The following NDRG4 variants were observed in gnomAD, a reference collection of about 807,000 sequenced individuals.
NDRG4 encodes the protein NDRG family member 4.
In NDRG4, 38 loss-of-function variants were observed where a neutral mutation model predicts 55.8. That is an observed-to-expected ratio of 0.68 (90% CI 0.53 to 0.89). The LOEUF is 0.89. Among genes scored for constraint, NDRG4 ranks in the 40% least tolerant of loss-of-function variants. The pLI is 0.00. For missense variants in NDRG4, 455 were observed against 468.6 expected (o/e 0.97, Z 0.27); for synonymous variants, 190 against 182.7 (o/e 1.04, Z -0.32).
chr16:58,467,244 A>G (rs1420278575), intron 1 of NDRG4, among the ~76,000 whole-genome samples: 2 of 152,238 alleles, frequency 1.3e-5, no homozygotes, highest in African/African-American at 4.8e-5. Context: ...ACAGTGGCTC[A>G]CACCTGTAAT....
intron 2 of NDRG4, among the ~76,000 whole-genome samples, chr16:58,489,150 T>C (rs2035476632): frequency 6.6e-6 from 1 of 151,898 alleles, no homozygotes; most frequent in Non-Finnish European, 1.5e-5. Flanking sequence ...AATACAAAAA[T>C]TAGCCCGGGC....
intron 1 of NDRG4, among the ~76,000 whole-genome samples, chr16:58,485,444 G>A (rs1244772075): frequency 6.6e-6 from 1 of 152,176 alleles, no homozygotes; most frequent in Non-Finnish European, 1.5e-5. Context: ...GGTGTCCAGG[G>A]TGGTTTCATA....
Position 58,513,065 on chromosome 16 carries a change from G to A in NDRG4, c.*1489G>A, listed in dbSNP as rs1332816259. On this transcript the variant is annotated 3_prime_UTR_variant, in exon 15 of 15. Coordinates refer to ENST00000570248, the MANE Select transcript of NDRG4 (RefSeq NM_001242835.2). ...TTCTGAATACTGAATGTGACTGTTTGAAAGCTGGTAGAATTCATCCCTCTT... is the reference window on the plus strand; with the variant it reads ...TTCTGAATACTGAATGTGACTGTTTAAAAGCTGGTAGAATTCATCCCTCTT... 1 of 152,638 alleles carries A rather than the reference G, an allele frequency of 6.6e-6. No individual in the cohort carries two copies. The highest frequency in any genetic ancestry group is 1.9e-4 in the East Asian group (1 of 5,204). The allele number at this position is 152,638 out of a possible 1,614,324, so 9.5% of individuals were successfully genotyped here. A position where few individuals can be genotyped will look rare whatever the true frequency, so the allele number is the denominator to read the frequency against.
chr16:58,466,636 G>A (rs1003882044), intron 1 of NDRG4, among the ~76,000 whole-genome samples: 1 of 152,192 alleles, frequency 6.6e-6, no homozygotes, highest in Non-Finnish European at 1.5e-5. Context: ...CCTGCAACCT[G>A]GCCCTGGGAG....
At chr16:58,472,107 TC>T (rs1454729314) in intron 1 of NDRG4, 2 of 152,106 alleles carry the variant, frequency 1.3e-5, no homozygotes, top group Non-Finnish European at 2.9e-5. Flanking sequence ...GCCAGCAGGC[TC>T]CCCTTTAAGT....
rs1344824673 is a variant in NDRG4 at position 58,507,875 on chromosome 16, CCTGGCCCT to C, written c.677+18_677+25del. 4.3e-6 allele frequency: 7 copies of C among 1,614,062 alleles called. No individual in the cohort carries two copies. Among genetic ancestry groups the C allele is most frequent in the Non-Finnish European group, 5.1e-6 (6 of 1,180,006 alleles). Reference sequence around the variant, plus strand: ...TGCCAAGACGCTCCGGTGAGTGGCCCCTGGCCCTCTGGCCTGCCCTGGCCTTTGCCCCC... The same window carrying C: ...TGCCAAGACGCTCCGGTGAGTGGCCCCTGGCCTGCCCTGGCCTTTGCCCCC... On this transcript the variant is annotated intron_variant, in intron 9 of 14. Coordinates refer to ENST00000570248, the MANE Select transcript of NDRG4 (RefSeq NM_001242835.2).
intron 1 of NDRG4, among the ~76,000 whole-genome samples, chr16:58,485,311 C>T (rs1386552876): frequency 2.0e-5 from 3 of 152,166 alleles, no homozygotes; most frequent in African/African-American, 7.2e-5. Flanking sequence ...CTGAGACATT[C>T]CCGGTTCTCT....
At position 58,464,978 on chromosome 16, in the gene NDRG4, G is replaced by A. The variant is rs567535931; in HGVS notation, c.-24+1181G>A. The A allele has an allele frequency of 9.1e-6, 11 of 1,204,894 alleles. No individual in the cohort carries two copies. In the African/African-American group the frequency reaches 1.7e-4, roughly 19 times the overall value. 74.6% of individuals were successfully genotyped at this position (1,204,894 alleles called of 1,614,324 possible). A position where few individuals can be genotyped will look rare whatever the true frequency, so the allele number is the denominator to read the frequency against. The stretch of plus-strand genomic sequence containing the variant: ...TACTGACTGGGGACCCTCAGCCTTG[G>A]GGCTCCTCTGGAGAAGTGATCAGTT... On this transcript the variant is annotated intron_variant, in intron 1 of 15. Coordinates refer to the NDRG4 transcript ENST00000258187. The surrounding 1 kb of genome is among the most constrained non-coding windows in gnomAD (Gnocchi z 4.8).
At position 58,511,991 on chromosome 16, in the gene NDRG4, C is replaced by T. The variant is rs946008384; in HGVS notation, c.*415C>T. The T allele has an allele frequency of 5.4e-5, 25 of 460,926 alleles. No homozygotes were observed. The highest frequency in any genetic ancestry group is 3.3e-4 in the Middle Eastern group (1 of 3,036). The allele number at this position is 460,926 out of a possible 1,614,324, so 28.6% of individuals were successfully genotyped here. On this transcript the variant is annotated 3_prime_UTR_variant, in exon 15 of 15. Coordinates refer to ENST00000570248, the MANE Select transcript of NDRG4 (RefSeq NM_001242835.2). The stretch of plus-strand genomic sequence containing the variant: ...GCCAGCTCAGGCACTGGCGTGGGAG[C>T]CCTGGGAGACCCCTTCCCCCACCCT...
chr16:58,503,936 C>T, intron 2 of NDRG4, 33 bp downstream of exon 2: 1 of 1,610,172 alleles, frequency 6.2e-7, no homozygotes, highest in Non-Finnish European at 8.5e-7. Context: ...CAGCCCTCCT[C>T]TGCCTCCCAT....
Position 58,504,090 on chromosome 16 carries a change from G to C in NDRG4, c.128-64G>C, listed in dbSNP as rs895348715. On this transcript the variant is annotated intron_variant, in intron 2 of 14. Coordinates refer to ENST00000570248, the MANE Select transcript of NDRG4 (RefSeq NM_001242835.2). ...CTTCTGCCTTGCCTGCCCTCTGGGGGCCCGGCCTTCCTTCCAGTCCCCCGG... is the reference window on the plus strand; with the variant it reads ...CTTCTGCCTTGCCTGCCCTCTGGGGCCCCGGCCTTCCTTCCAGTCCCCCGG... 3 of 1,605,130 alleles carry C rather than the reference G, an allele frequency of 1.9e-6. No individual in the cohort carries two copies. In the Admixed American group the frequency reaches 5.0e-5, roughly 27 times the overall value.
Position 58,504,423 on chromosome 16 carries a change from T to TGAGTCCC in NDRG4, c.311+3_311+9dup, listed in dbSNP as rs746909026. ...CCCCAGCGTGGTGCAGCATTTCGGG[T>TGAGTCCC]GAGTCCCCGCACAGCCCCTGCGCTA... On this transcript the variant is annotated splice_region_variant and intron_variant, in intron 4 of 14. Coordinates refer to ENST00000570248, the MANE Select transcript of NDRG4 (RefSeq NM_001242835.2). 19 of 1,612,218 alleles carry TGAGTCCC rather than the reference T, an allele frequency of 1.2e-5. No homozygotes were observed. The highest frequency in any genetic ancestry group is 1.4e-5 in the Non-Finnish European group (17 of 1,179,994).
chr16:58,507,251 C>A (rs1311236735), intron 8 of NDRG4: 3 of 550,876 alleles, frequency 5.4e-6, no homozygotes, highest in Non-Finnish European at 9.8e-6. Context: ...CCCCTGGGGG[C>A]TTCCCGCTTG....
chr16:58,481,408 A>G (rs1466702724), intron 1 of NDRG4, among the ~76,000 whole-genome samples: 3 of 152,178 alleles, frequency 2.0e-5, no homozygotes, highest in African/African-American at 4.8e-5. Context: ...GGAGTGCCAG[A>G]ATCCAAATAT....
At chr16:58,471,927 C>T (rs762699436) in intron 1 of NDRG4, among the ~76,000 whole-genome samples, 8 of 151,954 alleles carry the variant, frequency 5.3e-5, no homozygotes, top group Non-Finnish European at 1.2e-4. Flanking sequence ...TGGAAGAGTC[C>T]CATAACCAAG....
intron 1 of NDRG4, chr16:58,502,279 A>G (rs548440676): frequency 3.0e-6 from 1 of 336,594 alleles, no homozygotes; most frequent in Non-Finnish European, 6.0e-6. Flanking sequence ...GCCCCGAGAA[A>G]GGATAGGCCT....
chr16:58,492,547 T>A (rs1266365822), intron 2 of NDRG4, among the ~76,000 whole-genome samples: 7,502 of 51,514 alleles, frequency 0.15, 730 homozygotes, highest in African/African-American at 0.34. Flanking sequence ...TGTGTGTGTG[T>A]GTGTGAGAGA....
In NDRG4 at chr16:58,506,350, C is replaced by T. The variant is rs758686485; in HGVS notation, c.373-37C>T. The T allele has an allele frequency of 1.1e-5, 17 of 1,599,386 alleles. No individual in the cohort carries two copies. The South Asian group carries it at 1.9e-4, about 18-fold the overall frequency. On this transcript the variant is annotated intron_variant, in intron 5 of 14. Transcript: ENST00000570248. ...AGTGTTTCTGCCATCTGCACCCATC[C>T]TGGCCCCGCCCGGCCCTGTTTCCCC...
At position 58,464,300 on chromosome 16, in the gene NDRG4, A is replaced by C; in HGVS notation, c.-24+503A>C. On this transcript the variant is annotated intron_variant, in intron 1 of 15. Transcript: ENST00000258187. The surrounding 1 kb of genome is among the most constrained non-coding windows in gnomAD (Gnocchi z 4.8). ...GGGCGGGAGAGCGCTCCTGGCTGTG[A>C]GCTGCTCCTGCCGCTTCGCTCCGCG... 1 of 720,494 alleles carries C rather than the reference A, an allele frequency of 1.4e-6. No individual in the cohort carries two copies. The highest frequency in any genetic ancestry group is 2.0e-6 in the Non-Finnish European group (1 of 503,982). The allele number at this position is 720,494 out of a possible 1,614,324, so 44.6% of individuals were successfully genotyped here.
Sources: allele counts gnomAD v4.1 joint callset (sites outside exome capture counted in the v4.1 genomes callset), GRCh38; gene constraint gnomAD v4.1.1; non-coding constraint Gnocchi (gnomAD v3.1); transcripts MANE v1.5; gene names NCBI Gene and HGNC (gene_info 2026-07-23, HGNC 2026-07-21).